The following SEC11C variants were observed in gnomAD, a reference collection of about 807,000 sequenced individuals.
The protein encoded by SEC11C is SEC11 homolog C, signal peptidase complex subunit.
SEC11C carries 10 observed loss-of-function variants against 21.9 expected under a neutral mutation model. The observed-to-expected ratio is 0.46, with a 90% confidence interval of 0.28 to 0.77. SEC11C has a LOEUF of 0.77. Ranked by LOEUF, SEC11C falls within the 30% of genes least tolerant of loss-of-function variation. The pLI, the probability that SEC11C is intolerant of heterozygous loss-of-function variation, is 0.12. For synonymous variants in SEC11C, 83 were observed against 85.6 expected (o/e 0.97, Z 0.17); for missense variants, 145 against 244.5 (o/e 0.59, Z 2.71).
At chr18:59,143,657 T>G (rs1365907636) in intron 1 of SEC11C, among the ~76,000 whole-genome samples, 1 of 152,140 alleles carries the variant, frequency 6.6e-6, no homozygotes, top group Non-Finnish European at 1.5e-5. Flanking sequence ...TCTCTTAGCG[T>G]CTTGGGGCAT....
intron 1 of SEC11C, among the ~76,000 whole-genome samples, chr18:59,142,379 C>CTTTTATT (rs1568062993): frequency 8.4e-6 from 1 of 118,528 alleles, no homozygotes; most frequent in East Asian, 3.3e-4. Context: ...AAGATTTTAT[C>CTTTTATT]GGGGTGGAGC....
rs768884320 is a variant in SEC11C at position 59,149,639 on chromosome 18, G to GGCCTCCA, written c.197+25_197+31dup. On this transcript the variant is annotated intron_variant, in intron 2 of 5. Coordinates refer to ENST00000587834, the MANE Select transcript of SEC11C (RefSeq NM_033280.4). ...GGTGCTGAGGTAGGTCCCCCAGGCT[G>GGCCTCCA]GCCTCCAGCCTCCAACCTCCATCAC... 1.0e-5 allele frequency: 16 copies of GGCCTCCA among 1,562,264 alleles called. No individual in the cohort carries two copies. The African/African-American group carries it at 1.5e-4, about 15-fold the overall frequency.
intron 5 of SEC11C, among the ~76,000 whole-genome samples, chr18:59,158,353 A>C (rs35999852): frequency 6.8e-6 from 1 of 148,054 alleles, no homozygotes; most frequent in Non-Finnish European, 1.5e-5. Flanking sequence ...CATATTTTTT[A>C]AAAAAATCAC....
chr18:59,150,143 A>G (rs2069330636), intron 2 of SEC11C, among the ~76,000 whole-genome samples: 2 of 152,220 alleles, frequency 1.3e-5, no homozygotes. Context: ...AGTTAACTTC[A>G]CACAGCCATA....
At chr18:59,158,466 A>T (rs1018667241) in intron 5 of SEC11C, among the ~76,000 whole-genome samples, 166 bp from the exon 6 acceptor site, 1 of 152,226 alleles carries the variant, frequency 6.6e-6, no homozygotes, top group Non-Finnish European at 1.5e-5. Flanking sequence ...GTTTTTGACC[A>T]TAATGTAGCA....
chr18:59,149,787 GTTTT>G (rs58746048), intron 2 of SEC11C, among the ~76,000 whole-genome samples, 165 bp downstream of exon 2: 9 of 151,644 alleles, frequency 5.9e-5, no homozygotes, highest in Non-Finnish European at 1.3e-4. Context: ...AAAATGTTTC[GTTTT>G]TTTTCTGGCT....
Position 59,152,502 on chromosome 18 carries a change from G to A in SEC11C, c.198-34G>A, listed in dbSNP as rs1370199659. The stretch of plus-strand genomic sequence containing the variant: ...ATTCTGATCGCCTTTTGGACACAGG[G>A]TAATGCTGATACTGACTTTGTGCTT... On this transcript the variant is annotated intron_variant, in intron 2 of 5. Coordinates refer to ENST00000587834, the MANE Select transcript of SEC11C (RefSeq NM_033280.4). 7 of 1,572,954 alleles carry A rather than the reference G, an allele frequency of 4.5e-6. No homozygotes were observed. In the African/African-American group the frequency reaches 9.6e-5, roughly 22 times the overall value.
chr18:59,151,952 A>G (rs1321509739), intron 2 of SEC11C, among the ~76,000 whole-genome samples: 4 of 152,212 alleles, frequency 2.6e-5, no homozygotes, highest in African/African-American at 4.8e-5. Context: ...TTCCACAATA[A>G]CCCAGTCAAT....
chr18:59,153,756 G>A lies in SEC11C; in HGVS notation c.347+1071G>A, dbSNP rs1468728361. 5.3e-5 allele frequency among the ~76,000 whole-genome samples: 8 copies of A among 151,440 alleles called. No individual in the cohort carries two copies. The South Asian group carries it at 1.5e-3, about 28-fold the overall frequency. ...TTTTGAGGCTCTGTCTCCTAGGCTG[G>A]AGTGCAATGGCATGATCTCAGCTCA... On this transcript the variant is annotated intron_variant, in intron 3 of 5. Coordinates refer to ENST00000587834, the MANE Select transcript of SEC11C (RefSeq NM_033280.4).
At chr18:59,153,695 C>T (rs189163397) in intron 3 of SEC11C, among the ~76,000 whole-genome samples, 1 of 152,032 alleles carries the variant, frequency 6.6e-6, no homozygotes, top group African/African-American at 2.4e-5. Context: ...GGACTACAAG[C>T]ATGCACCATC....
chr18:59,152,129 T>C lies in SEC11C; in HGVS notation c.198-407T>C, dbSNP rs115574996. On this transcript the variant is annotated intron_variant, in intron 2 of 5. Transcript: ENST00000587834. ...CATTTCTTAAGTAAGTATTGCAGTA[T>C]CCTAAGTGCTGGAGGCCTGCTCTAA... 2.6e-3 allele frequency among the ~76,000 whole-genome samples: 394 copies of C among 152,204 alleles called. 4 individuals carry two copies. The highest frequency in any genetic ancestry group is 0.011 in the South Asian group (53 of 4,820).
At chr18:59,155,195 G>A (rs752627729) in intron 3 of SEC11C, among the ~76,000 whole-genome samples, 1 of 152,206 alleles carries the variant, frequency 6.6e-6, no homozygotes, top group Non-Finnish European at 1.5e-5. Flanking sequence ...CTGACTTGAG[G>A]TGAATGAAGT....
chr18:59,155,307 A>G (rs183060014), intron 3 of SEC11C, among the ~76,000 whole-genome samples: 13 of 152,338 alleles, frequency 8.5e-5, no homozygotes, highest in African/African-American at 3.1e-4. Context: ...CCACTGATGA[A>G]TGACACTAAT....
At chr18:59,149,450 C>A in intron 1 of SEC11C, 63 bp from the exon 2 acceptor site, 1 of 1,082,410 alleles carries the variant, frequency 9.2e-7, no homozygotes, top group South Asian at 1.3e-5. Flanking sequence ...GCATCTCCAG[C>A]TTCACAGGTT....
Position 59,143,209 on chromosome 18 carries a change from C to T in SEC11C, c.87+3174C>T, listed in dbSNP as rs573838968. Among the ~76,000 whole-genome samples the T allele has an allele frequency of 5.3e-5, 8 of 151,732 alleles. No homozygotes were observed. In the South Asian group the frequency reaches 6.3e-4, roughly 12 times the overall value. On this transcript the variant is annotated intron_variant, in intron 1 of 5. Transcript: ENST00000587834. ...CTCTACTAAAAATATAAAAATTAGC[C>T]GGGTGTGGTGGTGCACACCTGTTAT...
chr18:59,150,386 T>TCC lies in SEC11C; in HGVS notation c.197+765_197+766dup, dbSNP rs1157231494. On this transcript the variant is annotated intron_variant, in intron 2 of 5. Transcript: ENST00000587834. ...AGCTCCCAAACCAGTGCCCTTTCCCTCCACCAGGCGTTGCCACCACCTCGT... is the reference window on the plus strand; with the variant it reads ...AGCTCCCAAACCAGTGCCCTTTCCCTCCCCACCAGGCGTTGCCACCACCTCGT... Among the ~76,000 whole-genome samples, 10 of 152,212 alleles carry TCC rather than the reference T, an allele frequency of 6.6e-5. No homozygotes were observed. The East Asian group carries it at 1.9e-3, about 29-fold the overall frequency.
At chr18:59,140,428 C>T (rs1329935555) in intron 1 of SEC11C, among the ~76,000 whole-genome samples, 1 of 152,228 alleles carries the variant, frequency 6.6e-6, no homozygotes, top group Non-Finnish European at 1.5e-5. Flanking sequence ...TGACTGCCGG[C>T]AGGTGGAAGA....
intron 1 of SEC11C, among the ~76,000 whole-genome samples, chr18:59,146,727 A>T (rs2069279999): frequency 6.6e-6 from 1 of 152,106 alleles, no homozygotes; most frequent in East Asian, 1.9e-4. Flanking sequence ...GCTGTGAAGG[A>T]GAAGAGAGTG....
At chr18:59,141,102 C>G (rs183911533) in intron 1 of SEC11C, among the ~76,000 whole-genome samples, 2 of 152,062 alleles carry the variant, frequency 1.3e-5, no homozygotes, top group Admixed American at 1.3e-4. Flanking sequence ...GGGGTGGTGC[C>G]CATGGGAGGT....
Sources: allele counts gnomAD v4.1 joint callset (sites outside exome capture counted in the v4.1 genomes callset), GRCh38; gene constraint gnomAD v4.1.1; transcripts MANE v1.5; gene names NCBI Gene and HGNC (gene_info 2026-07-23, HGNC 2026-07-21).